Variants in GFRA1 observed in about 807,000 individuals in gnomAD.
GFRA1 encodes the protein GDNF family receptor alpha-1.
Under a neutral mutation model 51.6 loss-of-function variants are expected in GFRA1, and 16 were observed. That is an observed-to-expected ratio of 0.31 (90% CI 0.21 to 0.47). The LOEUF is 0.47. Ranked by LOEUF, GFRA1 falls within the 20% of genes least tolerant of loss-of-function variation. GFRA1 has a pLI of 1.00. For missense variants in GFRA1, 530 were observed against 594.3 expected, an observed-to-expected ratio of 0.89 and a Z score of 1.13; for synonymous variants, 270 against 241.3, an observed-to-expected ratio of 1.12 and a Z score of -1.10.
intron 5 of GFRA1, among the ~76,000 whole-genome samples, chr10:116,156,896 T>A (rs1959216880): frequency 6.6e-6 from 1 of 152,288 alleles, no homozygotes; most frequent in Non-Finnish European, 1.5e-5. Context: ...CCCCAACGCA[T>A]TGCAAGGGGG....
chr10:116,067,269 A>C (rs1215652904), intron 9 of GFRA1, among the ~76,000 whole-genome samples: 1 of 152,218 alleles, frequency 6.6e-6, no homozygotes, highest in Non-Finnish European at 1.5e-5. Context: ...TTTCTGTTCA[A>C]GTTTGGAATT....
At chr10:116,114,456 A>G (rs926272228) in intron 6 of GFRA1, among the ~76,000 whole-genome samples, 2 of 152,232 alleles carry the variant, frequency 1.3e-5, no homozygotes, top group Non-Finnish European at 2.9e-5. Context: ...AAAGAGGATG[A>G]CTATCAAGCT....
chr10:116,197,572 G>A (rs1304152155), intron 5 of GFRA1, among the ~76,000 whole-genome samples: 3 of 152,014 alleles, frequency 2.0e-5, no homozygotes, highest in African/African-American at 2.4e-5. Context: ...TATAATACAC[G>A]TGCACACACA....
intron 5 of GFRA1, among the ~76,000 whole-genome samples, chr10:116,178,164 G>T (rs1366824793): frequency 6.6e-6 from 1 of 152,168 alleles, no homozygotes; most frequent in Non-Finnish European, 1.5e-5. Context: ...TTTGGGCTTG[G>T]CTTTTTCCCA....
At chr10:116,197,264 A>C (rs1963960264) in intron 5 of GFRA1, among the ~76,000 whole-genome samples, 1 of 152,070 alleles carries the variant, frequency 6.6e-6, no homozygotes. Context: ...CCAAAAAGGC[A>C]CCAGAGACCT....
chr10:116,063,228 G>C lies in GFRA1; in HGVS notation c.*1170C>G, dbSNP rs1380182832. 6.6e-6 allele frequency: 1 copy of C among 152,196 alleles called. No homozygotes were observed. Among genetic ancestry groups the C allele is most frequent in the Non-Finnish European group, 1.5e-5 (1 of 68,046 alleles). 9.4% of individuals were successfully genotyped at this position (152,196 alleles called of 1,614,324 possible). A position where few individuals can be genotyped will look rare whatever the true frequency, so the allele number is the denominator to read the frequency against. ...TGTCATGACAAGTGTGTCAAGAGAT[G>C]CTGCAGAACATTTACAAGCAGCCAC... On this transcript the variant is annotated 3_prime_UTR_variant, in exon 11 of 11. Transcript: ENST00000355422.
At chr10:116,234,677 G>A (rs1966846590) in intron 4 of GFRA1, among the ~76,000 whole-genome samples, 1 of 152,174 alleles carries the variant, frequency 6.6e-6, no homozygotes, top group East Asian at 1.9e-4. Context: ...CAGGGCTACT[G>A]GACAGAGCTC....
chr10:116,162,795 T>G (rs1183857744), intron 5 of GFRA1, among the ~76,000 whole-genome samples: 1 of 151,934 alleles, frequency 6.6e-6, no homozygotes, highest in Admixed American at 6.5e-5. Context: ...GATATCTCAG[T>G]ATAAAAGAAA....
chr10:116,226,834 G>GTAT (rs1275703033), intron 4 of GFRA1: 1 of 351,998 alleles, frequency 2.8e-6, no homozygotes, highest in Non-Finnish European at 5.7e-6. Context: ...AGATCATCAG[G>GTAT]TATTAGATTC....
At chr10:116,197,220 A>G (rs1349020998) in intron 5 of GFRA1, among the ~76,000 whole-genome samples, 1 of 152,130 alleles carries the variant, frequency 6.6e-6, no homozygotes, top group African/African-American at 2.4e-5. Context: ...ATGGAAGCAG[A>G]GCCTTCAGGA....
intron 6 of GFRA1, among the ~76,000 whole-genome samples, chr10:116,113,916 C>T (rs1190793919): frequency 1.3e-5 from 2 of 152,178 alleles, no homozygotes; most frequent in African/African-American, 2.4e-5. Context: ...CTCATCATCA[C>T]CCGCACCACC....
intron 5 of GFRA1, among the ~76,000 whole-genome samples, chr10:116,196,971 T>G (rs2134364462): frequency 1.3e-5 from 2 of 151,152 alleles, no homozygotes; most frequent in East Asian, 3.9e-4. Flanking sequence ...CTGCTTCTGC[T>G]GGCAGCACAT....
intron 4 of GFRA1, among the ~76,000 whole-genome samples, chr10:116,227,335 T>G (rs948318452): frequency 5.3e-5 from 8 of 152,242 alleles, no homozygotes. Context: ...CTATGTTTAC[T>G]GCCTTTTTCA....
chr10:116,079,563 G>A (rs549960564), intron 9 of GFRA1, among the ~76,000 whole-genome samples: 2 of 152,188 alleles, frequency 1.3e-5, no homozygotes, highest in South Asian at 2.1e-4. Context: ...CTGCCCCCTG[G>A]AGACATTTGG....
intron 4 of GFRA1, among the ~76,000 whole-genome samples, chr10:116,265,125 T>C (rs1320395754): frequency 6.6e-6 from 1 of 152,186 alleles, no homozygotes; most frequent in Non-Finnish European, 1.5e-5. Flanking sequence ...TTTAGGTGCA[T>C]CTCATCCTGG....
chr10:116,074,854 A>G (rs1161787924), intron 9 of GFRA1, among the ~76,000 whole-genome samples: 1 of 152,228 alleles, frequency 6.6e-6, no homozygotes, highest in Non-Finnish European at 1.5e-5. Flanking sequence ...TCAGGGGAAC[A>G]TGGTTGGCTA....
intron 5 of GFRA1, among the ~76,000 whole-genome samples, chr10:116,148,121 T>A (rs1269415596): frequency 3.2e-5 from 4 of 126,690 alleles, no homozygotes; most frequent in Non-Finnish European, 6.8e-5. Context: ...TGTGTGTGCA[T>A]GTGTGTGGGG....
intron 6 of GFRA1, among the ~76,000 whole-genome samples, chr10:116,097,889 C>A (rs556830832): frequency 6.6e-6 from 1 of 152,160 alleles, no homozygotes; most frequent in African/African-American, 2.4e-5. Flanking sequence ...GGAACCAAGA[C>A]GGATAGGATG....
intron 4 of GFRA1, among the ~76,000 whole-genome samples, chr10:116,245,583 T>C (rs1348776321): frequency 3.3e-5 from 5 of 152,220 alleles, no homozygotes; most frequent in Non-Finnish European, 5.9e-5. Context: ...CTTAGGTACT[T>C]ACCCAACTGA....
Sources: allele counts gnomAD v4.1 joint callset (sites outside exome capture counted in the v4.1 genomes callset), GRCh38; gene constraint gnomAD v4.1.1; transcripts MANE v1.5; gene names NCBI Gene and HGNC (gene_info 2026-07-23, HGNC 2026-07-21).